The following PSMB7 variants were observed in gnomAD, a reference collection of about 807,000 sequenced individuals.
The protein encoded by PSMB7 is proteasome subunit beta type-7.
In PSMB7, 5 loss-of-function variants were observed where a neutral mutation model predicts 28.1. The observed-to-expected ratio is 0.18, with a 90% CI of 0.09 to 0.37. The LOEUF (loss-of-function observed/expected upper bound fraction) is 0.37. Among genes scored for constraint, PSMB7 ranks in the 10% least tolerant of loss-of-function variants. PSMB7 has a pLI of 1.00. For synonymous variants in PSMB7, 122 were observed against 123.7 expected, an observed-to-expected ratio of 0.99 and a Z score of 0.09; for missense variants, 275 against 346.2, an observed-to-expected ratio of 0.79 and a Z score of 1.63.
chr9:124,395,929 C>A (rs551564821), intron 5 of PSMB7, among the ~76,000 whole-genome samples: 44 of 152,182 alleles, frequency 2.9e-4, no homozygotes, highest in Non-Finnish European at 5.1e-4. Context: ...CCTCCCTTGC[C>A]CAGCCCCTGG....
intron 6 of PSMB7, among the ~76,000 whole-genome samples, chr9:124,382,436 G>A (rs1830677340): frequency 6.6e-6 from 1 of 151,710 alleles, no homozygotes; most frequent in Non-Finnish European, 1.5e-5. Context: ...TCGAACTCCT[G>A]ACCTCAAGTG....
chr9:124,361,419 G>A (rs755947994), intron 6 of PSMB7, among the ~76,000 whole-genome samples: 22 of 152,212 alleles, frequency 1.4e-4, no homozygotes, highest in Non-Finnish European at 3.1e-4. Flanking sequence ...GTACCCGAGT[G>A]CTTGAGGGGA....
chr9:124,355,509 C>A (rs1338451852), intron 7 of PSMB7, among the ~76,000 whole-genome samples: 1 of 152,222 alleles, frequency 6.6e-6, no homozygotes, highest in Non-Finnish European at 1.5e-5. Flanking sequence ...CCCATCACCG[C>A]TTCACCATGG....
intron 6 of PSMB7, among the ~76,000 whole-genome samples, chr9:124,358,353 C>G (rs1830434403): frequency 6.6e-6 from 1 of 152,194 alleles, no homozygotes; most frequent in African/African-American, 2.4e-5. Flanking sequence ...AGCAAACCAG[C>G]AGATAGGGGT....
intron 5 of PSMB7, among the ~76,000 whole-genome samples, chr9:124,401,167 G>A (rs1311491516): frequency 2.0e-5 from 3 of 152,188 alleles, no homozygotes; most frequent in Non-Finnish European, 2.9e-5. Context: ...GGGATGTGAA[G>A]GAGACTTTTC....
At chr9:124,415,215 C>A in intron 1 of PSMB7, 149 bp downstream of exon 1, 1 of 852,168 alleles carries the variant, frequency 1.2e-6, no homozygotes, top group East Asian at 2.6e-5. Flanking sequence ...CACGCCCAGG[C>A]CCTGATTCCC....
chr9:124,412,669 C>T (rs1831041084), intron 3 of PSMB7, among the ~76,000 whole-genome samples, 177 bp from the exon 4 acceptor site: 1 of 152,152 alleles, frequency 6.6e-6, no homozygotes, highest in African/African-American at 2.4e-5. Flanking sequence ...TGAGAATATG[C>T]ATCTAGTTAT....
In PSMB7 at chr9:124,353,728, A is replaced by G; in HGVS notation, c.723-19T>C. On this transcript the variant is annotated intron_variant, in intron 7 of 7. Transcript: ENST00000259457. ...GCCAAGCCTAGTAAGAGAAAAACAAAAGCACAGAGTTAGGATTCTCCTCAA... is the reference window on the plus strand; with the variant it reads ...GCCAAGCCTAGTAAGAGAAAAACAAGAGCACAGAGTTAGGATTCTCCTCAA... 1 of 1,563,774 alleles carries G rather than the reference A, an allele frequency of 6.4e-7. No homozygotes were observed. The highest frequency in any genetic ancestry group is 8.8e-7 in the Non-Finnish European group (1 of 1,134,172).
intron 6 of PSMB7, among the ~76,000 whole-genome samples, chr9:124,382,799 G>C (rs1255031434): frequency 6.6e-6 from 1 of 152,138 alleles, no homozygotes; most frequent in Non-Finnish European, 1.5e-5. Context: ...CACAGCCTTT[G>C]AACCATTTCA....
At position 124,375,628 on chromosome 9, in the gene PSMB7, C is replaced by T. The variant is rs191456474; in HGVS notation, c.570+8970G>A. On this transcript the variant is annotated intron_variant, in intron 6 of 7. Transcript: ENST00000259457. ...TCAAGTTCAGCTCATTAAGCTGACA[C>T]CTATTAAAGCGCCATAAGAAAAACA... is the stretch of plus-strand genomic sequence containing the variant. Among the ~76,000 whole-genome samples the T allele has an allele frequency of 6.1e-3, 928 of 152,190 alleles. 6 individuals are homozygous for T. Among genetic ancestry groups the T allele is most frequent in the Middle Eastern group, 0.01 (3 of 294 alleles).
At chr9:124,407,842 C>T (rs1220372540) in intron 4 of PSMB7, among the ~76,000 whole-genome samples, 1 of 152,094 alleles carries the variant, frequency 6.6e-6, no homozygotes, top group Middle Eastern at 3.2e-3. Context: ...CAGAACATCA[C>T]CCAATCATTA....
rs190861121 is a variant in PSMB7, at chr9:124,413,894, G to T, written c.254+14C>A. 45 of 1,543,702 alleles carry T rather than the reference G, an allele frequency of 2.9e-5. No homozygotes were observed. The East Asian group carries it at 7.0e-4, about 24-fold the overall frequency. On this transcript the variant is annotated intron_variant, in intron 3 of 7. Coordinates refer to ENST00000259457, the MANE Select transcript of PSMB7 (RefSeq NM_002799.4). ...TTGAAAATATAAGAGTTATTCAAAC[G>T]AATCAATACTTACTAAATATTAGGA...
At chr9:124,414,026 T>G (rs1564688552) in intron 2 of PSMB7, 21 bp from the exon 3 acceptor site, 2 of 1,539,112 alleles carry the variant, frequency 1.3e-6, no homozygotes, top group Non-Finnish European at 1.8e-6. Flanking sequence ...AAAAAGTTTT[T>G]AAACAATTTT....
intron 6 of PSMB7, among the ~76,000 whole-genome samples, chr9:124,377,764 C>T (rs761167298): frequency 6.6e-6 from 1 of 152,180 alleles, no homozygotes; most frequent in Non-Finnish European, 1.5e-5. Context: ...GCTGAAGTGG[C>T]GCTTGTATAC....
chr9:124,384,832 C>A (rs538643564), intron 5 of PSMB7, among the ~76,000 whole-genome samples, 176 bp from the exon 6 acceptor site: 1 of 152,334 alleles, frequency 6.6e-6, no homozygotes, highest in East Asian at 1.9e-4. Context: ...CTTCAAAAGC[C>A]TGGAGTCACA....
chr9:124,363,727 G>A (rs1830483891), intron 6 of PSMB7, among the ~76,000 whole-genome samples: 1 of 152,110 alleles, frequency 6.6e-6, no homozygotes, highest in Non-Finnish European at 1.5e-5. Flanking sequence ...CAGGATCTGG[G>A]TGACACAAAT....
intron 6 of PSMB7, among the ~76,000 whole-genome samples, chr9:124,382,045 G>A (rs1297182531): frequency 6.6e-6 from 1 of 151,622 alleles, no homozygotes; most frequent in Non-Finnish European, 1.5e-5. Flanking sequence ...GACTGCTTGA[G>A]CTCAGGAGTT....
chr9:124,370,449 C>T (rs892873419), intron 6 of PSMB7, among the ~76,000 whole-genome samples: 2 of 151,924 alleles, frequency 1.3e-5, no homozygotes, highest in African/African-American at 4.8e-5. Flanking sequence ...TAAGAATCGC[C>T]AGTCCCTTCA....
intron 7 of PSMB7, among the ~76,000 whole-genome samples, chr9:124,354,591 C>T (rs550364287): frequency 7.2e-5 from 11 of 152,366 alleles, no homozygotes; most frequent in African/African-American, 2.6e-4. Flanking sequence ...AGGAGGGCAA[C>T]TTCCACAGTT....
Sources: gnomAD v4.1 joint callset for allele counts (sites outside exome capture counted in the v4.1 genomes callset) on GRCh38, gnomAD v4.1.1 for gene constraint, MANE v1.5 for transcripts, NCBI Gene and HGNC (gene_info 2026-07-23, HGNC 2026-07-21) for gene names.